Variants in MEF2A observed in about 807,000 individuals in gnomAD.
MEF2A encodes myocyte-specific enhancer factor 2A.
MEF2A carries 28 observed loss-of-function variants against 55.8 expected under a neutral mutation model. That is an observed-to-expected ratio of 0.50 (90% CI 0.37 to 0.69). MEF2A has a LOEUF of 0.69. Ranked by LOEUF, MEF2A falls within the 30% of genes least tolerant of loss-of-function variation. The probability of loss-of-function intolerance (pLI) is 0.00; values close to 1 mark genes in which losing one functional copy is unlikely to be tolerated. For synonymous variants in MEF2A, 239 were observed against 227.1 expected (o/e 1.05, Z -0.47); for missense variants, 528 against 626.2 (o/e 0.84, Z 1.67).
intron 7 of MEF2A, among the ~76,000 whole-genome samples, chr15:99,689,057 A>G (rs1293341661): frequency 3.3e-5 from 5 of 152,216 alleles, no homozygotes; most frequent in Admixed American, 1.3e-4. Context: ...TTTCATACGT[A>G]TTTTATATCT....
rs2058861846 is a variant in MEF2A, at chr15:99,713,434, C to T, written c.*663C>T. The T allele has an allele frequency of 6.3e-6, 1 of 158,804 alleles. No individual in the cohort carries two copies. Among genetic ancestry groups the T allele is most frequent in the Admixed American group, 6.5e-5 (1 of 15,484 alleles). The allele number at this position is 158,804 out of a possible 1,614,324, so 9.8% of individuals were successfully genotyped here. On this transcript the variant is annotated 3_prime_UTR_variant, in exon 12 of 12. Coordinates refer to ENST00000557942, the MANE Select transcript of MEF2A (RefSeq NM_001319206.4). ...ATAAAGAAAGAGAATAGAAAACACG[C>T]ATGAGATATTCAGAAAATACTAGCC...
intron 2 of MEF2A, among the ~76,000 whole-genome samples, chr15:99,627,130 A>G (rs1161143584): frequency 6.6e-6 from 1 of 152,106 alleles, no homozygotes; most frequent in African/African-American, 2.4e-5. Context: ...GTTGGAGCCA[A>G]AAGGAGGTGA....
intron 2 of MEF2A, among the ~76,000 whole-genome samples, chr15:99,631,069 T>A (rs2042868273): frequency 6.6e-6 from 1 of 152,190 alleles, no homozygotes; most frequent in South Asian, 2.1e-4. Flanking sequence ...TTATCTTGTG[T>A]TTTTCTTTTC....
chr15:99,671,783 G>A, intron 5 of MEF2A: 1 of 1,054,794 alleles, frequency 9.5e-7, no homozygotes, highest in Non-Finnish European at 1.3e-6. Context: ...CATTTTATTA[G>A]TATTTTTTAT....
At chr15:99,677,208 AC>A in intron 7 of MEF2A, among the ~76,000 whole-genome samples, 1 of 152,294 alleles carries the variant, frequency 6.6e-6, no homozygotes, top group Admixed American at 6.5e-5. Context: ...TGAACTAGGC[AC>A]ACACACAAAT....
chr15:99,712,765 G>A lies in MEF2A; in HGVS notation c.1512G>A (p.Val504=), dbSNP rs2058808844. 1 of 1,555,224 alleles carries A rather than the reference G, an allele frequency of 6.4e-7. No homozygotes were observed. Among genetic ancestry groups the A allele is most frequent in the Non-Finnish European group, 8.7e-7 (1 of 1,148,902 alleles). Residue 504 remains valine, a synonymous_variant, in exon 12 of 12, where the codon GTG becomes GTA. Coordinates refer to ENST00000557942, the MANE Select transcript of MEF2A (RefSeq NM_001319206.4). This position sits in a 1 kb window ranked among gnomAD's most constrained non-coding sequence, Gnocchi z 4.1. ...SVKRMRMDAW[V]T ...AGCGAATGAGGATGGACGCGTGGGT[G>A]ACCTAAGGCTTCCAAGCTGATGTTT...
chr15:99,651,998 ATATTT>A (rs2153518971), intron 4 of MEF2A, among the ~76,000 whole-genome samples: 1 of 152,304 alleles, frequency 6.6e-6, no homozygotes, highest in African/African-American at 2.4e-5. Context: ...CAGGGATTGA[ATATTT>A]TATTAATAGT....
At chr15:99,574,992 T>C (rs1398512375) in intron 1 of MEF2A, among the ~76,000 whole-genome samples, 1 of 152,220 alleles carries the variant, frequency 6.6e-6, no homozygotes, top group South Asian at 2.1e-4. Flanking sequence ...GGCATTGTTA[T>C]ATAATATCAA....
intron 5 of MEF2A, among the ~76,000 whole-genome samples, chr15:99,673,392 C>T (rs2051267562): frequency 6.6e-6 from 1 of 152,084 alleles, no homozygotes; most frequent in Non-Finnish European, 1.5e-5. Context: ...TTGTCATATA[C>T]CCACTGTTTT....
chr15:99,621,382 T>A (rs568406535), intron 2 of MEF2A, among the ~76,000 whole-genome samples: 1 of 152,332 alleles, frequency 6.6e-6, no homozygotes, highest in African/African-American at 2.4e-5. Context: ...ATTTTTTTTT[T>A]CTTAGACTAA....
intron 10 of MEF2A, among the ~76,000 whole-genome samples, chr15:99,708,516 A>T (rs2058281092): frequency 6.6e-6 from 1 of 152,264 alleles, no homozygotes; most frequent in Non-Finnish European, 1.5e-5. Context: ...TCAGTCGCTT[A>T]GCGTCAGTCT....
chr15:99,633,093 T>C lies in MEF2A; in HGVS notation c.-27T>C. 6.3e-7 allele frequency: 1 copy of C among 1,583,638 alleles called. No individual in the cohort carries two copies. The highest frequency in any genetic ancestry group is 8.6e-7 in the Non-Finnish European group (1 of 1,161,144). On this transcript the variant is annotated 5_prime_UTR_variant, in exon 3 of 12. Coordinates refer to ENST00000557942, the MANE Select transcript of MEF2A (RefSeq NM_001319206.4). The stretch of plus-strand genomic sequence containing the variant: ...ACTTTTGAATTAAATATTTGGAATA[T>C]AAGGAAATAAGGAAAGTTGACTGAA...
At position 99,690,129 on chromosome 15, in the gene MEF2A, G is replaced by A. The variant is rs1405923492; in HGVS notation, c.671-112G>A. ...GACAAGGGATACTCAAACCTGTAGT[G>A]AGTTTTGTTATAAAATTTATTTGCA... On this transcript the variant is annotated intron_variant, in intron 7 of 11. Transcript: ENST00000557942. 6.0e-6 allele frequency: 6 copies of A among 992,482 alleles called. No homozygotes were observed. In the African/African-American group the frequency reaches 8.1e-5, roughly 13 times the overall value. 61.5% of individuals were successfully genotyped at this position (992,482 alleles called of 1,614,324 possible). A position where few individuals can be genotyped will look rare whatever the true frequency, so the allele number is the denominator to read the frequency against.
chr15:99,643,839 C>T (rs1875154765), intron 3 of MEF2A, among the ~76,000 whole-genome samples: 1 of 152,160 alleles, frequency 6.6e-6, no homozygotes, highest in Admixed American at 6.5e-5. Context: ...GATTCGCCTG[C>T]CTCAGCCTCC....
chr15:99,631,566 T>C (rs1173253706), intron 2 of MEF2A, among the ~76,000 whole-genome samples: 2 of 152,228 alleles, frequency 1.3e-5, no homozygotes, highest in African/African-American at 2.4e-5. Context: ...TTTGGAATTA[T>C]GCAAACTCAT....
chr15:99,661,521 T>A (rs2048638417), intron 4 of MEF2A, among the ~76,000 whole-genome samples: 1 of 151,024 alleles, frequency 6.6e-6, no homozygotes, highest in Non-Finnish European at 1.5e-5. Flanking sequence ...TAAAAATAAA[T>A]AATTAAAAGA....
Position 99,679,691 on chromosome 15 carries a change from G to A in MEF2A, c.670+4233G>A, listed in dbSNP as rs534297152. On this transcript the variant is annotated intron_variant, in intron 7 of 11. Coordinates refer to ENST00000557942, the MANE Select transcript of MEF2A (RefSeq NM_001319206.4). ...TATTCTTAATCTGAATGGTGGTTAC[G>A]TGGATCTTCACTTTATGATAAATCC... Among the ~76,000 whole-genome samples, 65 of 152,236 alleles carry A rather than the reference G, an allele frequency of 4.3e-4. No homozygotes were observed. The South Asian group carries it at 9.8e-3, about 23-fold the overall frequency.
At chr15:99,700,602 A>G (rs1198741508) in intron 8 of MEF2A, among the ~76,000 whole-genome samples, 1 of 152,208 alleles carries the variant, frequency 6.6e-6, no homozygotes, top group Non-Finnish European at 1.5e-5. Flanking sequence ...TCTGTGAGGC[A>G]ATAGCATCCA....
chr15:99,699,057 TA>T lies in MEF2A; in HGVS notation c.859-4292del, dbSNP rs75522794. On this transcript the variant is annotated intron_variant, in intron 8 of 11. Transcript: ENST00000557942. Reference sequence around the variant, plus strand: ...CACAGCAAGACCCTGTCTTAAAAATTAAAAAAAAAAAAACAAAAAAAACTTG... The same window carrying T: ...CACAGCAAGACCCTGTCTTAAAAATTAAAAAAAAAAAACAAAAAAAACTTG... Among the ~76,000 whole-genome samples, 88 of 134,378 alleles carry T rather than the reference TA, an allele frequency of 6.5e-4. 1 individual carries two copies. Among genetic ancestry groups the T allele is most frequent in the Admixed American group, 8.9e-4 (12 of 13,460 alleles). 88.2% of individuals were successfully genotyped at this position (134,378 alleles called of 152,430 possible).
Sources: allele counts gnomAD v4.1 joint callset (sites outside exome capture counted in the v4.1 genomes callset), GRCh38; gene constraint gnomAD v4.1.1; non-coding constraint Gnocchi (gnomAD v3.1); transcripts MANE v1.5; gene names NCBI Gene and HGNC (gene_info 2026-07-23, HGNC 2026-07-21).